The following BCAT2 variants were observed in gnomAD, a reference collection of about 807,000 sequenced individuals.
The protein encoded by BCAT2 is branched chain amino acid transaminase 2.
Under a neutral mutation model 52.9 loss-of-function variants are expected in BCAT2, and 44 were observed. The observed-to-expected ratio is 0.83, with a 90% confidence interval of 0.65 to 1.07. The LOEUF is 1.07. Among genes scored for constraint, BCAT2 ranks in the 50% least tolerant of loss-of-function variants. BCAT2 has a pLI of 0.00. For missense variants in BCAT2, 478 were observed against 521.8 expected (o/e 0.92, Z 0.82); for synonymous variants, 215 against 217.1 (o/e 0.99, Z 0.08).
At chr19:48,806,920 G>A in intron 2 of BCAT2, 80 bp downstream of exon 2, 1 of 1,519,996 alleles carries the variant, frequency 6.6e-7, no homozygotes, top group Non-Finnish European at 9.1e-7. Context: ...TCTCTGGGCT[G>A]TGGACCTTTT....
intron 10 of BCAT2, 143 bp from the exon 11 acceptor site, chr19:48,795,607 C>T (rs2034490941): frequency 1.1e-6 from 1 of 904,032 alleles, no homozygotes; most frequent in Non-Finnish European, 1.7e-6. Flanking sequence ...AGGGCCCCAA[C>T]AATGATGGGA....
chr19:48,797,069 C>T (rs1463694934), intron 7 of BCAT2, 47 bp from the exon 8 acceptor site: 1 of 1,612,028 alleles, frequency 6.2e-7, no homozygotes, highest in Admixed American at 1.7e-5. Context: ...CACCCCCTAG[C>T]ACCGCCGTCT....
At chr19:48,796,231 A>C in intron 10 of BCAT2, 197 bp downstream of exon 10, 2 of 654,308 alleles carry the variant, frequency 3.1e-6, no homozygotes, top group Non-Finnish European at 5.2e-6. Flanking sequence ...CTCCCAGGAA[A>C]GGGTGATTTA....
intron 1 of BCAT2, chr19:48,808,183 C>G: frequency 2.0e-6 from 2 of 986,516 alleles, no homozygotes; most frequent in Non-Finnish European, 2.4e-6. Context: ...GCGTGGGTCC[C>G]CAGATTGCCT....
chr19:48,809,758 G>A (rs549009205), intron 1 of BCAT2, among the ~76,000 whole-genome samples: 49 of 148,880 alleles, frequency 3.3e-4, no homozygotes, highest in African/African-American at 1.2e-3. Context: ...TATTCACCAG[G>A]TCTGAAATTA....
Position 48,795,381 on chromosome 19 carries a change from G to A in BCAT2, c.*45C>T, listed in dbSNP as rs1369094735. On this transcript the variant is annotated 3_prime_UTR_variant, in exon 11 of 11. Transcript: ENST00000316273. Reference sequence around the variant, plus strand: ...TTGGTAGGGAGGCGAGTGCTGGCGTGACGAGATGCTACGGGTCGGTGGATC... The same window carrying A: ...TTGGTAGGGAGGCGAGTGCTGGCGTAACGAGATGCTACGGGTCGGTGGATC... 6.2e-7 allele frequency: 1 copy of A among 1,613,024 alleles called. No homozygotes were observed. The highest frequency in any genetic ancestry group is 8.5e-7 in the Non-Finnish European group (1 of 1,179,348).
chr19:48,796,333 C>A, intron 10 of BCAT2, 95 bp downstream of exon 10: 1 of 1,468,876 alleles, frequency 6.8e-7, no homozygotes, highest in Non-Finnish European at 9.5e-7. Flanking sequence ...CCTGGTACTA[C>A]TGAAGGAGGC....
chr19:48,801,565 AAT>A (rs377161701), intron 3 of BCAT2, among the ~76,000 whole-genome samples: 27 of 150,184 alleles, frequency 1.8e-4, no homozygotes, highest in Admixed American at 2.7e-4. Flanking sequence ...GTCTAAACAA[AAT>A]ATATATATAT....
chr19:48,808,363 G>C, intron 1 of BCAT2: 2 of 624,468 alleles, frequency 3.2e-6, no homozygotes, highest in Non-Finnish European at 4.0e-6. Flanking sequence ...GAAGAGGAAG[G>C]ATGAGAAAAA....
At chr19:48,804,039 C>T (rs1270924211) in intron 3 of BCAT2, among the ~76,000 whole-genome samples, 1 of 151,948 alleles carries the variant, frequency 6.6e-6, no homozygotes, top group African/African-American at 2.4e-5. Context: ...GTCTATAATC[C>T]CAGCTACTCA....
At chr19:48,796,848 G>C in intron 8 of BCAT2, 89 bp downstream of exon 8, 1 of 1,595,342 alleles carries the variant, frequency 6.3e-7, no homozygotes, top group Non-Finnish European at 8.6e-7. Flanking sequence ...AGAAGGGGCA[G>C]AGACATGCCA....
rs1468422224 is a variant in BCAT2 at position 48,800,297 on chromosome 19, G to A, written c.301C>T (p.Leu101=). 1 of 1,613,286 alleles carries A rather than the reference G, an allele frequency of 6.2e-7. No homozygotes were observed. ...ASSSLHYSLQ[L]FEGMKAFKGK... ...TTGAACGCCTTCATGCCCTCAAACA[G>A]CTGCGGGGACACGCGGGTGGGGAGG... Residue 101 remains leucine, a splice_region_variant and synonymous_variant, in exon 4 of 11, where the codon CTG becomes TTG. Coordinates refer to ENST00000316273, the MANE Select transcript of BCAT2 (RefSeq NM_001190.4).
At position 48,800,040 on chromosome 19, in the gene BCAT2, A is replaced by G; in HGVS notation, c.472T>C (p.Trp158Arg). ...IRRLIEVDKD[W>R]VPDAAGTSLY... is the part of the protein sequence containing the mutation. ...CTGGTGCCGGCGGCATCGGGGACCC[A>G]GTCCTTGTCCACTTCGATGAGCCGG... is the stretch of plus-strand genomic sequence containing the variant. Residue 158 changes from tryptophan to arginine, a missense_variant, in exon 5 of 11, where the codon TGG (tryptophan) becomes CGG (arginine). By Grantham distance (101) the Trp-to-Arg change is moderately radical (BLOSUM62 -3). Transcript: ENST00000316273. 1 of 1,613,952 alleles carries G rather than the reference A, an allele frequency of 6.2e-7. No individual in the cohort carries two copies. The highest frequency in any genetic ancestry group is 8.5e-7 in the Non-Finnish European group (1 of 1,179,942).
Position 48,800,041 on chromosome 19 carries a change from G to A in BCAT2, c.471C>T (p.Asp157=), listed in dbSNP as rs369918856. The change falls in exon 5 of 11, where the codon GAC becomes GAT. Residue 157 remains aspartate, a synonymous_variant. Coordinates refer to ENST00000316273, the MANE Select transcript of BCAT2 (RefSeq NM_001190.4). ...TGGTGCCGGCGGCATCGGGGACCCA[G>A]TCCTTGTCCACTTCGATGAGCCGGC... The part of the protein sequence containing the change: ...CIRRLIEVDK[D]WVPDAAGTSL... 8 of 1,613,990 alleles carry A rather than the reference G, an allele frequency of 5.0e-6. No individual in the cohort carries two copies. Among genetic ancestry groups the A allele is most frequent in the Non-Finnish European group, 6.8e-6 (8 of 1,179,956 alleles).
chr19:48,808,585 T>C (rs961414861), intron 1 of BCAT2, among the ~76,000 whole-genome samples: 2 of 151,876 alleles, frequency 1.3e-5, no homozygotes, highest in Non-Finnish European at 2.9e-5. Flanking sequence ...AGGGAGACCC[T>C]GTCTCTACAG....
intron 1 of BCAT2, chr19:48,810,716 G>T: frequency 1.2e-6 from 1 of 858,108 alleles, no homozygotes; most frequent in Non-Finnish European, 1.5e-6. Flanking sequence ...CCTCATTACA[G>T]GGTCCTCCAC....
chr19:48,808,147 G>A, intron 1 of BCAT2: 1 of 986,902 alleles, frequency 1.0e-6, no homozygotes, highest in Non-Finnish European at 1.2e-6. Flanking sequence ...CTGGTGTGAG[G>A]CTCCAGGGAT....
chr19:48,796,629 C>G lies in BCAT2; in HGVS notation c.1014G>C (p.Ser338=), dbSNP rs571191767. The change falls in exon 9 of 11, where the codon TCG becomes TCC. Residue 338 remains serine (S), a synonymous_variant. Coordinates refer to ENST00000316273, the MANE Select transcript of BCAT2 (RefSeq NM_001190.4). The stretch of plus-strand genomic sequence containing the variant: ...CTGGGCAGACCTGGCAAGCGGTGCC[C>G]GAGCCAAAGACTTCCCGCACGCGGC... ...EEGRVREVFG[S]GTACQVCPVH... The G allele has an allele frequency of 1.9e-6, 3 of 1,613,708 alleles. No individual in the cohort carries two copies. Among genetic ancestry groups the G allele is most frequent in the Non-Finnish European group, 2.5e-6 (3 of 1,180,022 alleles).
rs995905988 is a variant in BCAT2, at chr19:48,795,470, G to C, written c.1141-6C>G. On this transcript the variant is annotated splice_polypyrimidine_tract_variant and splice_region_variant and intron_variant, in intron 10 of 10. Transcript: ENST00000316273. Reference sequence around the variant, plus strand: ...TCGTGGGCTCTGATTCCGTACTGCGGAACAACGGAGGCAGTGCGTGAGGTG... The same window carrying C: ...TCGTGGGCTCTGATTCCGTACTGCGCAACAACGGAGGCAGTGCGTGAGGTG... 30 of 1,613,724 alleles carry C rather than the reference G, an allele frequency of 1.9e-5. No individual in the cohort carries two copies. Among genetic ancestry groups the C allele is most frequent in the Admixed American group, 1.7e-5 (1 of 59,980 alleles).
Sources: allele counts gnomAD v4.1 joint callset (sites outside exome capture counted in the v4.1 genomes callset), GRCh38; gene constraint gnomAD v4.1.1; transcripts MANE v1.5; gene names NCBI Gene and HGNC (gene_info 2026-07-23, HGNC 2026-07-21).